The following ACSL3 variants were observed in gnomAD, a reference collection of about 807,000 sequenced individuals.
ACSL3 encodes fatty acid CoA ligase Acsl3.
Under a neutral mutation model 84.7 loss-of-function variants are expected in ACSL3, and 34 were observed. The observed-to-expected ratio is 0.40, with a 90% CI of 0.31 to 0.53. The LOEUF (loss-of-function observed/expected upper bound fraction) is 0.53, where lower values mean the gene tolerates loss of function less well. ACSL3 is among the 20% of genes least tolerant of loss of function. The pLI is 0.48. For missense variants in ACSL3, 680 were observed against 873.1 expected, an observed-to-expected ratio of 0.78 and a Z score of 2.79; for synonymous variants, 315 against 299.4, an observed-to-expected ratio of 1.05 and a Z score of -0.54.
At chr2:222,935,628 C>T (rs538943681) in intron 16 of ACSL3, among the ~76,000 whole-genome samples, 126 of 152,268 alleles carry the variant, frequency 8.3e-4, no homozygotes, top group African/African-American at 3.0e-3. Flanking sequence ...CCTTTGGAAA[C>T]CACTCCTGAA....
chr2:222,934,955 T>C (rs1273537317), intron 16 of ACSL3, among the ~76,000 whole-genome samples: 1 of 152,172 alleles, frequency 6.6e-6, no homozygotes, highest in East Asian at 1.9e-4. Flanking sequence ...ATGTCAGCTG[T>C]TCTTCAAGGC....
chr2:222,899,660 CAG>C (rs1262059463), intron 2 of ACSL3, among the ~76,000 whole-genome samples: 2 of 152,048 alleles, frequency 1.3e-5, no homozygotes, highest in African/African-American at 4.8e-5. Context: ...ACTCCATAGA[CAG>C]AGTAGGATGC....
At chr2:222,866,687 G>T (rs1227210718) in intron 1 of ACSL3, among the ~76,000 whole-genome samples, 1 of 94,096 alleles carries the variant, frequency 1.1e-5, no homozygotes, top group Admixed American at 1.6e-4. Flanking sequence ...GACATTTAGG[G>T]GCAGTTTTAT....
At chr2:222,907,099 AT>A (rs1423875260) in intron 3 of ACSL3, among the ~76,000 whole-genome samples, 17 of 152,032 alleles carry the variant, frequency 1.1e-4, no homozygotes, top group African/African-American at 4.1e-4. Context: ...TCTTATAGTT[AT>A]ATCTGTTCTG....
intron 1 of ACSL3, among the ~76,000 whole-genome samples, chr2:222,868,416 A>G (rs1035155087): frequency 6.6e-6 from 1 of 152,214 alleles, no homozygotes; most frequent in Non-Finnish European, 1.5e-5. Context: ...ATTACTCAAT[A>G]CATATTAGCT....
intron 2 of ACSL3, among the ~76,000 whole-genome samples, chr2:222,898,290 C>T (rs1181750333): frequency 2.0e-5 from 3 of 152,120 alleles, no homozygotes; most frequent in Admixed American, 6.5e-5. Context: ...GAAATGTTAA[C>T]TCCTCTGGAT....
At chr2:222,893,196 T>C (rs1695884062) in intron 2 of ACSL3, among the ~76,000 whole-genome samples, 1 of 152,178 alleles carries the variant, frequency 6.6e-6, no homozygotes. Flanking sequence ...TCCTTTTCTG[T>C]CCTCTCTTCC....
intron 8 of ACSL3, among the ~76,000 whole-genome samples, chr2:222,922,265 T>C (rs1696760671): frequency 6.6e-6 from 1 of 152,192 alleles, no homozygotes; most frequent in Non-Finnish European, 1.5e-5. Context: ...CAGATAGTTG[T>C]GGATTCTACT....
chr2:222,922,616 T>C (rs1045229381), intron 8 of ACSL3, 92 bp from the exon 9 acceptor site: 40 of 1,525,832 alleles, frequency 2.6e-5, no homozygotes, highest in Non-Finnish European at 3.6e-5. Flanking sequence ...CCTGGGGCCC[T>C]TCCATGTGCC....
chr2:222,907,162 C>A (rs1004761497), intron 3 of ACSL3, among the ~76,000 whole-genome samples: 3 of 152,170 alleles, frequency 2.0e-5, no homozygotes, highest in Non-Finnish European at 2.9e-5. Flanking sequence ...CTGTTTGGAG[C>A]TTCTTGGCCT....
At chr2:222,922,670 A>C in intron 8 of ACSL3, 38 bp from the exon 9 acceptor site, 15 of 1,612,246 alleles carry the variant, frequency 9.3e-6, no homozygotes, top group Non-Finnish European at 1.3e-5. Context: ...CATAGACGAC[A>C]CCTGACTTTT....
At chr2:222,920,612 A>G (rs1282102660) in intron 7 of ACSL3, among the ~76,000 whole-genome samples, 1 of 152,190 alleles carries the variant, frequency 6.6e-6, no homozygotes, top group Non-Finnish European at 1.5e-5. Context: ...TCTCCCTGAT[A>G]CCTTTTTTCC....
chr2:222,861,474 C>G (rs1041654166), intron 1 of ACSL3: 1 of 152,186 alleles, frequency 6.6e-6, no homozygotes, highest in African/African-American at 2.4e-5. Flanking sequence ...CGGGAAGCGG[C>G]TGACGTGGGG....
chr2:222,879,484 GTT>G (rs1426448376), intron 1 of ACSL3, among the ~76,000 whole-genome samples: 13 of 152,150 alleles, frequency 8.5e-5, no homozygotes, highest in African/African-American at 1.4e-4. Flanking sequence ...ATGCCTCCCT[GTT>G]AGGCAGGAGT....
At chr2:222,920,879 T>A in intron 7 of ACSL3, 1 of 435,540 alleles carries the variant, frequency 2.3e-6, no homozygotes, top group Non-Finnish European at 4.7e-6. Context: ...TACCTTTGGG[T>A]CTTTGCATTT....
chr2:222,904,401 G>C (rs2106114327), intron 3 of ACSL3, among the ~76,000 whole-genome samples: 1 of 152,288 alleles, frequency 6.6e-6, no homozygotes, highest in African/African-American at 2.4e-5. Flanking sequence ...GTAATGTATA[G>C]GAACGGTGGG....
In ACSL3 at chr2:222,909,169, G is replaced by A; in HGVS notation, c.378+19G>A. On this transcript the variant is annotated intron_variant, in intron 4 of 16. Transcript: ENST00000357430. ...TAAAAAGGTAAGATGATCTTTCATT[G>A]CCTTTGAATTCTTTCGAATAAAATA... The A allele has an allele frequency of 6.3e-7, 1 of 1,582,442 alleles. No homozygotes were observed. The highest frequency in any genetic ancestry group is 2.2e-5 in the East Asian group (1 of 44,710).
At chr2:222,903,938 T>C in intron 3 of ACSL3, among the ~76,000 whole-genome samples, 1 of 52,948 alleles carries the variant, frequency 1.9e-5, no homozygotes, top group East Asian at 1.3e-3. Context: ...GTTCCCTGAA[T>C]AGTTAAAAAA....
chr2:222,941,896 A>T lies in ACSL3; in HGVS notation c.*242A>T, dbSNP rs918005352. ...ACCACCTATGACTGTACTTGTCAGT[A>T]TGAGAATTTTTCTGAATCATATTGG... On this transcript the variant is annotated 3_prime_UTR_variant, in exon 17 of 17. Coordinates refer to ENST00000357430, the MANE Select transcript of ACSL3 (RefSeq NM_004457.5). 1 of 358,164 alleles carries T rather than the reference A, an allele frequency of 2.8e-6. No individual in the cohort carries two copies. Among genetic ancestry groups the T allele is most frequent in the African/African-American group, 2.1e-5 (1 of 48,072 alleles). The allele number at this position is 358,164 out of a possible 1,614,324, so 22.2% of individuals were successfully genotyped here.
Sources: gnomAD v4.1 joint callset for allele counts (sites outside exome capture counted in the v4.1 genomes callset) on GRCh38, gnomAD v4.1.1 for gene constraint, MANE v1.5 for transcripts, NCBI Gene and HGNC (gene_info 2026-07-23, HGNC 2026-07-21) for gene names.